MYOF: variants seen among roughly 807,000 people sequenced by gnomAD.
MYOF encodes the protein myoferlin, also known as fer-1-like 3, myoferlin.
MYOF carries 244 observed loss-of-function variants against 284.2 expected under a neutral mutation model. The ratio of observed to expected loss-of-function variants is 0.86; its 90% CI spans 0.77 to 0.95. The LOEUF (loss-of-function observed/expected upper bound fraction) is 0.95. Among genes scored for constraint, MYOF ranks in the 40% least tolerant of loss-of-function variants. The pLI, the probability that MYOF is intolerant of heterozygous loss-of-function variation, is 0.00. For missense variants in MYOF, 2,496 were observed against 2,560.6 expected (o/e 0.97, Z 0.54); for synonymous variants, 904 against 919.7 (o/e 0.98, Z 0.31).
At chr10:93,422,332 T>G (rs1267553227) in intron 5 of MYOF, among the ~76,000 whole-genome samples, 1 of 152,178 alleles carries the variant, frequency 6.6e-6, no homozygotes, top group Non-Finnish European at 1.5e-5. Context: ...GCTGCGCTTG[T>G]GCAGTTCCCT....
At chr10:93,463,788 C>T (rs1007482524) in intron 1 of MYOF, among the ~76,000 whole-genome samples, 2 of 146,370 alleles carry the variant, frequency 1.4e-5, no homozygotes. Context: ...GGGAGGATTG[C>T]TTGAGCTTGG....
At chr10:93,402,573 C>A (rs2134093036) in intron 10 of MYOF, among the ~76,000 whole-genome samples, 1 of 151,146 alleles carries the variant, frequency 6.6e-6, no homozygotes, top group East Asian at 2.0e-4. Context: ...CTAAGTTGTA[C>A]CAACGAGTTT....
intron 50 of MYOF, among the ~76,000 whole-genome samples, chr10:93,315,752 A>G (rs1386606461): frequency 6.6e-6 from 1 of 152,066 alleles, no homozygotes; most frequent in African/African-American, 2.4e-5. Context: ...CACTGAGGTG[A>G]GAGTGGGTAA....
At chr10:93,355,484 G>T in intron 31 of MYOF, 144 bp downstream of exon 31, 1 of 543,002 alleles carries the variant, frequency 1.8e-6, no homozygotes. Flanking sequence ...TACTCAGGAG[G>T]CTGAGGCAGG....
At position 93,418,364 on chromosome 10, in the gene MYOF, A is replaced by AT. The variant is rs200250293; in HGVS notation, c.433+7706dup. Reference sequence around the variant, plus strand: ...AATAATTTTTTTCTGAATTTCTAAAATGTTAAAAGTTTTATAAATAAATGT... The same window carrying AT: ...AATAATTTTTTTCTGAATTTCTAAAATTGTTAAAAGTTTTATAAATAAATGT... On this transcript the variant is annotated intron_variant, in intron 5 of 53. Transcript: ENST00000359263. Among the ~76,000 whole-genome samples the AT allele has an allele frequency of 2.6e-5, 4 of 152,364 alleles. No individual in the cohort carries two copies. The East Asian group carries it at 7.7e-4, about 29-fold the overall frequency.
intron 19 of MYOF, among the ~76,000 whole-genome samples, chr10:93,385,698 A>T (rs1192819331): frequency 6.6e-6 from 1 of 152,060 alleles, no homozygotes; most frequent in African/African-American, 2.4e-5. Context: ...TTCACTTTTG[A>T]TTTATATTTA....
Position 93,396,129 on chromosome 10 carries a change from T to C in MYOF, c.1417+13A>G. 1.3e-6 allele frequency: 2 copies of C among 1,594,694 alleles called. No homozygotes were observed. The highest frequency in any genetic ancestry group is 1.7e-6 in the Non-Finnish European group (2 of 1,165,352). On this transcript the variant is annotated intron_variant, in intron 16 of 53. Transcript: ENST00000359263. ...TGTATCCAGTCTTGTTCTAGATCTGTTGAGTGACTTACCTTCCACTTCCCC... is the reference window on the plus strand; with the variant it reads ...TGTATCCAGTCTTGTTCTAGATCTGCTGAGTGACTTACCTTCCACTTCCCC...
In MYOF at chr10:93,343,215, TG is replaced by T. The variant is rs1844010999; in HGVS notation, c.4326+640del. Reference sequence around the variant, plus strand: ...TCCTTTTTTCTGGGCTGAGGCTTTTTGCCCCCTTTCCTTCGTGTAGAAGTGG... The same window carrying T: ...TCCTTTTTTCTGGGCTGAGGCTTTTTCCCCCTTTCCTTCGTGTAGAAGTGG... On this transcript the variant is annotated intron_variant, in intron 38 of 53. Coordinates refer to ENST00000359263, the MANE Select transcript of MYOF (RefSeq NM_013451.4). Among the ~76,000 whole-genome samples the T allele has an allele frequency of 3.3e-5, 5 of 152,192 alleles. No individual in the cohort carries two copies. In the South Asian group the frequency reaches 1.0e-3, roughly 32 times the overall value.
chr10:93,431,029 T>TTTTC (rs534814213), intron 4 of MYOF, among the ~76,000 whole-genome samples: 1 of 148,290 alleles, frequency 6.7e-6, no homozygotes, highest in Non-Finnish European at 1.5e-5. Context: ...CTTTTCTTTT[T>TTTTC]TTTTTTTTTT....
In MYOF at chr10:93,355,732, G is replaced by GC. The variant is rs758773757; in HGVS notation, c.3298dup (p.Ala1100GlyfsTer9). 6.2e-7 allele frequency: 1 copy of GC among 1,611,360 alleles called. No individual in the cohort carries two copies. The highest frequency in any genetic ancestry group is 8.5e-7 in the Non-Finnish European group (1 of 1,178,192). ...CTCATCCCCATCTTCGGTAGTGTCT[G>GC]CCCCCTGAAGTCAATTAACAGAGTC... On this transcript the variant is annotated frameshift_variant, in exon 31 of 54. Coordinates refer to ENST00000359263, the MANE Select transcript of MYOF (RefSeq NM_013451.4). LOFTEE classifies it high-confidence loss of function.
intron 48 of MYOF, among the ~76,000 whole-genome samples, chr10:93,320,580 A>G (rs1273193396): frequency 6.6e-6 from 1 of 152,206 alleles, no homozygotes; most frequent in Non-Finnish European, 1.5e-5. Context: ...ATGCATATCT[A>G]TGAGCATTCA....
rs1361644530 is a variant in MYOF, at chr10:93,353,897, A to G, written c.3404-9T>C. On this transcript the variant is annotated splice_polypyrimidine_tract_variant and intron_variant, in intron 31 of 53. Coordinates refer to ENST00000359263, the MANE Select transcript of MYOF (RefSeq NM_013451.4). Reference sequence around the variant, plus strand: ...ATGGTAGATGTAGACTCCTAAAAAAACAGGATAAAGATTACTTACAAGAAG... The same window carrying G: ...ATGGTAGATGTAGACTCCTAAAAAAGCAGGATAAAGATTACTTACAAGAAG... The G allele has an allele frequency of 6.2e-7, 1 of 1,600,362 alleles. No individual in the cohort carries two copies. Among genetic ancestry groups the G allele is most frequent in the Admixed American group, 1.7e-5 (1 of 58,846 alleles).
chr10:93,468,358 A>C (rs1880262), intron 1 of MYOF, among the ~76,000 whole-genome samples: 1 of 152,136 alleles, frequency 6.6e-6, no homozygotes, highest in Non-Finnish European at 1.5e-5. Flanking sequence ...ACAAAAGCCC[A>C]CCTGGTAGAA....
In MYOF at chr10:93,333,874, C is replaced by T. The variant is rs34676128; in HGVS notation, c.4603G>A (p.Val1535Met). The T allele has an allele frequency of 1.7e-3, 2,738 of 1,613,932 alleles. 42 individuals carry two copies. The African/African-American group carries it at 0.032, about 19-fold the overall frequency. ...RIYPLPDDPS[V>M]PAPPRQFREL... ...CGAAACTGTCTGGGAGGGGCTGGCA[C>T]GCTGGGGTCATCCGGCAGAGGGTAG... The change falls in exon 42 of 54, where the codon GTG becomes ATG. Residue 1535 changes from valine to methionine, a missense_variant. By Grantham distance (21) the Val-to-Met change is conservative. This residue lies in a region of MYOF where 2,436 missense variants were observed against 2,480.7 expected (regional missense o/e 0.98). Transcript: ENST00000359263.
intron 21 of MYOF, among the ~76,000 whole-genome samples, chr10:93,378,256 C>G (rs535988358): frequency 6.6e-6 from 1 of 152,270 alleles, no homozygotes; most frequent in Admixed American, 6.5e-5. Context: ...AGCCACCATC[C>G]TGTCCAGATT....
At position 93,319,448 on chromosome 10, in the gene MYOF, G is replaced by A. The variant is rs567290196; in HGVS notation, c.5598+424C>T. On this transcript the variant is annotated intron_variant, in intron 49 of 53. Coordinates refer to ENST00000359263, the MANE Select transcript of MYOF (RefSeq NM_013451.4). ...GAGGGCCCTGAGCCCTCATGGCAGT[G>A]CCTCTGAGGGAGGTAAAGCAGATGT... Among the ~76,000 whole-genome samples, 29 of 152,258 alleles carry A rather than the reference G, an allele frequency of 1.9e-4. 1 individual carries two copies. In the Middle Eastern group the frequency reaches 0.01, roughly 54 times the overall value.
chr10:93,322,172 A>G (rs909796472), intron 48 of MYOF, among the ~76,000 whole-genome samples: 1 of 152,170 alleles, frequency 6.6e-6, no homozygotes, highest in Non-Finnish European at 1.5e-5. Flanking sequence ...ATCTTTAACA[A>G]AGTTTTGATT....
chr10:93,319,969 T>C lies in MYOF; in HGVS notation c.5501A>G (p.His1834Arg), dbSNP rs553003145. 6.2e-7 allele frequency: 1 copy of C among 1,614,190 alleles called. No homozygotes were observed. Among genetic ancestry groups the C allele is most frequent in the Admixed American group, 1.7e-5 (1 of 60,026 alleles). Residue 1834 changes from histidine (H) to arginine (R), a missense_variant, in exon 49 of 54, where the codon CAT (histidine) becomes CGT (arginine). Physicochemically the swap from His to Arg is conservative, Grantham distance 29. Coordinates refer to ENST00000359263, the MANE Select transcript of MYOF (RefSeq NM_013451.4). ...CCCTTCACCATCCAAAGATCTGTAA[T>C]GGACATCTGTTTTCTGTTTGTTTTC... ...NEENKQKTDV[H>R]YRSLDGEGNF...
intron 5 of MYOF, among the ~76,000 whole-genome samples, chr10:93,411,310 C>A (rs1280765721): frequency 6.6e-6 from 1 of 152,320 alleles, no homozygotes; most frequent in Non-Finnish European, 1.5e-5. Context: ...TGAGGGCCCA[C>A]TTCTTGGTTT....
Sources: gnomAD v4.1 joint callset for allele counts (sites outside exome capture counted in the v4.1 genomes callset) on GRCh38, gnomAD v4.1.1 for gene constraint, gnomAD v4.1.1 regional missense constraint, MANE v1.5 for transcripts, NCBI Gene and HGNC (gene_info 2026-07-23, HGNC 2026-07-21) for gene names.